The following EIF3H variants were observed in gnomAD, a reference collection of about 807,000 sequenced individuals.
EIF3H encodes eIF-3-gamma.
EIF3H carries 26 observed loss-of-function variants against 44.2 expected under a neutral mutation model. The observed-to-expected ratio is 0.59, with a 90% confidence interval of 0.43 to 0.82. The LOEUF is 0.82. EIF3H is among the 40% of genes least tolerant of loss of function. The pLI is 0.00. For missense variants in EIF3H, 359 were observed against 432.8 expected, an observed-to-expected ratio of 0.83 and a Z score of 1.51; for synonymous variants, 166 against 151.9, an observed-to-expected ratio of 1.09 and a Z score of -0.68.
rs1262448466 is a variant in EIF3H, at chr8:116,644,996, C to A, written c.*10G>T. 2 of 1,610,752 alleles carry A rather than the reference C, an allele frequency of 1.2e-6. No homozygotes were observed. Among genetic ancestry groups the A allele is most frequent in the Admixed American group, 3.3e-5 (2 of 59,840 alleles). The stretch of plus-strand genomic sequence containing the variant: ...TTCATGTTAACTTCTTTTCTGGAAA[C>A]TTCCTTTTCTTAGTTGTTGTATTCT... On this transcript the variant is annotated 3_prime_UTR_variant, in exon 8 of 8. Transcript: ENST00000521861.
intron 2 of EIF3H, among the ~76,000 whole-genome samples, chr8:116,693,927 C>G (rs543098765): frequency 6.6e-6 from 1 of 152,116 alleles, no homozygotes; most frequent in Admixed American, 6.5e-5. Context: ...TTGGTCTCCC[C>G]CAAAGTGCTA....
intron 2 of EIF3H, among the ~76,000 whole-genome samples, chr8:116,661,201 A>G (rs1435456439): frequency 6.6e-6 from 1 of 152,236 alleles, no homozygotes; most frequent in Non-Finnish European, 1.5e-5. Flanking sequence ...TTATGAGTGA[A>G]AAGTCCCAGT....
At chr8:116,715,831 T>C (rs1469911367) in intron 2 of EIF3H, among the ~76,000 whole-genome samples, 3 of 152,082 alleles carry the variant, frequency 2.0e-5, no homozygotes, top group African/African-American at 2.4e-5. Context: ...CAAATTAGTC[T>C]CCAGTTCTGC....
intron 2 of EIF3H, among the ~76,000 whole-genome samples, chr8:116,719,885 C>T (rs372278277): frequency 6.6e-6 from 1 of 152,228 alleles, no homozygotes; most frequent in East Asian, 1.9e-4. Flanking sequence ...GAATAATGAC[C>T]TACACTCAAC....
rs79363320 is a variant in EIF3H at position 116,653,210 on chromosome 8, T to A, written c.707+2646A>T. 5.6e-3 allele frequency among the ~76,000 whole-genome samples: 852 copies of A among 152,288 alleles called. 7 individuals carry two copies. The highest frequency in any genetic ancestry group is 0.02 in the African/African-American group (833 of 41,552). ...CTGTTTCTACCAGAAAAGTCTTTAA[T>A]ATAAAGTACTAATATTATCTGCTGC... On this transcript the variant is annotated intron_variant, in intron 5 of 7. Coordinates refer to ENST00000521861, the MANE Select transcript of EIF3H (RefSeq NM_003756.3).
At chr8:116,658,108 T>C (rs1354733153) in intron 3 of EIF3H, 1 of 152,210 alleles carries the variant, frequency 6.6e-6, no homozygotes, top group Non-Finnish European at 1.5e-5. Flanking sequence ...CTTTAACAAC[T>C]TGTTCTTTAC....
intron 2 of EIF3H, among the ~76,000 whole-genome samples, chr8:116,716,759 C>T (rs560773517): frequency 1.3e-5 from 2 of 152,070 alleles, no homozygotes; most frequent in African/African-American, 4.8e-5. Flanking sequence ...TGGGCATCAC[C>T]GTGTCCCTAC....
chr8:116,662,424 C>T (rs1474046390), intron 2 of EIF3H, among the ~76,000 whole-genome samples: 2 of 152,002 alleles, frequency 1.3e-5, no homozygotes, highest in Admixed American at 6.6e-5. Flanking sequence ...CTATGAAGCG[C>T]CAACAAATGC....
At chr8:116,648,444 G>C (rs1813339788) in intron 6 of EIF3H, among the ~76,000 whole-genome samples, 1 of 152,128 alleles carries the variant, frequency 6.6e-6, no homozygotes, top group South Asian at 2.1e-4. Flanking sequence ...TAAATGAACT[G>C]AAGATTGCTA....
chr8:116,675,386 G>C (rs1162879398), intron 2 of EIF3H, among the ~76,000 whole-genome samples: 2 of 152,094 alleles, frequency 1.3e-5, no homozygotes, highest in Non-Finnish European at 2.9e-5. Context: ...ATGACATTTT[G>C]GGTAGGCTAA....
chr8:116,654,830 G>C, intron 5 of EIF3H, among the ~76,000 whole-genome samples: 1 of 152,016 alleles, frequency 6.6e-6, no homozygotes, highest in Non-Finnish European at 1.5e-5. Flanking sequence ...CCAGAGCATA[G>C]AGAAGAACAT....
At position 116,726,578 on chromosome 8, in the gene EIF3H, T is replaced by G. The variant is rs1161744438; in HGVS notation, c.133-406A>C. 2.0e-5 allele frequency among the ~76,000 whole-genome samples: 3 copies of G among 152,232 alleles called. No individual in the cohort carries two copies. In the East Asian group the frequency reaches 5.8e-4, roughly 29 times the overall value. On this transcript the variant is annotated intron_variant, in intron 1 of 7. Transcript: ENST00000521861. Reference sequence around the variant, plus strand: ...TCAATAAGACACAGAGATAAAGGTCTCAATTATCGGGACACCTGAAAGCAG... The same window carrying G: ...TCAATAAGACACAGAGATAAAGGTCGCAATTATCGGGACACCTGAAAGCAG...
rs1813302557 is a variant in EIF3H, at chr8:116,646,510, G to A, written c.922C>T (p.Pro308Ser). 4 of 1,614,230 alleles carry A rather than the reference G, an allele frequency of 2.5e-6. No individual in the cohort carries two copies. The highest frequency in any genetic ancestry group is 2.2e-5 in the South Asian group (2 of 91,076). ...EEDLSKLFKP[P>S]QPPARMDSLL... Reference sequence around the variant, plus strand: ...GAGTCCATCCTGGCAGGCGGCTGTGGTGGTTTGAAGAGTTTGGACAGGTCC... The same window carrying A: ...GAGTCCATCCTGGCAGGCGGCTGTGATGGTTTGAAGAGTTTGGACAGGTCC... The change falls in exon 7 of 8, where the codon CCA becomes TCA. Residue 308 changes from proline to serine, a missense_variant. By Grantham distance (74) the Pro-to-Ser change is moderately conservative. This residue lies in a region of EIF3H where 94 missense variants were observed against 96.0 expected (regional missense o/e 0.98). Coordinates refer to ENST00000521861, the MANE Select transcript of EIF3H (RefSeq NM_003756.3).
At chr8:116,752,720 GAAAGAAAGAA>G (rs1815367356) in intron 1 of EIF3H, among the ~76,000 whole-genome samples, 1 of 122,888 alleles carries the variant, frequency 8.1e-6, no homozygotes, top group Non-Finnish European at 1.7e-5. Context: ...AAGAAAGAAA[GAAAGAAAGAA>G]AGAAGAGAAA....
At chr8:116,677,781 A>G (rs928451512) in intron 2 of EIF3H, among the ~76,000 whole-genome samples, 6 of 152,240 alleles carry the variant, frequency 3.9e-5, no homozygotes, top group African/African-American at 1.4e-4. Flanking sequence ...TCAATATACC[A>G]TAAAATGTTT....
chr8:116,732,567 G>A (rs530323690), intron 1 of EIF3H, among the ~76,000 whole-genome samples: 84 of 152,246 alleles, frequency 5.5e-4, no homozygotes, highest in African/African-American at 2.0e-3. Context: ...CAAACATAAT[G>A]TCTGCATAGA....
chr8:116,699,188 C>T (rs1291300824), intron 2 of EIF3H, among the ~76,000 whole-genome samples: 1 of 151,670 alleles, frequency 6.6e-6, no homozygotes, highest in African/African-American at 2.4e-5. Flanking sequence ...CTTGGGTGTA[C>T]ATGCCTAAAT....
intron 2 of EIF3H, among the ~76,000 whole-genome samples, chr8:116,680,113 T>C (rs866793266): frequency 0.47 from 7,877 of 16,586 alleles, 2,842 homozygotes; most frequent in Middle Eastern, 0.67. Flanking sequence ...CCGCCCCGTC[T>C]GGGAGGTGAG....
intron 2 of EIF3H, among the ~76,000 whole-genome samples, chr8:116,660,779 CACCAGACACCAGAT>C (rs1402237535): frequency 2.6e-5 from 4 of 152,016 alleles, no homozygotes; most frequent in African/African-American, 9.7e-5. Flanking sequence ...TGATACCAGA[CACCAGACACCAGAT>C]ACCAGACACC....
Sources: allele counts gnomAD v4.1 joint callset (sites outside exome capture counted in the v4.1 genomes callset), GRCh38; gene constraint gnomAD v4.1.1; regional missense constraint gnomAD v4.1.1; transcripts MANE v1.5; gene names NCBI Gene and HGNC (gene_info 2026-07-23, HGNC 2026-07-21).